Variants in ABCA6 observed in about 807,000 individuals in gnomAD.
The protein encoded by ABCA6 is ATP-binding cassette sub-family A member 6.
ABCA6 carries 164 observed loss-of-function variants against 191.2 expected under a neutral mutation model. That is an observed-to-expected ratio of 0.86 (90% CI 0.76 to 0.98). The LOEUF is 0.98. Ranked by LOEUF, ABCA6 falls within the 50% of genes least tolerant of loss-of-function variation. The pLI, the probability that ABCA6 is intolerant of heterozygous loss-of-function variation, is 0.00. For missense variants in ABCA6, 1,958 were observed against 1,894.1 expected (o/e 1.03, Z -0.63); for synonymous variants, 636 against 647.7 (o/e 0.98, Z 0.27).
In ABCA6 at chr17:69,081,062, T is replaced by G; in HGVS notation, c.4696+4A>C. On this transcript the variant is annotated splice_donor_region_variant and intron_variant, in intron 37 of 38. Coordinates refer to ENST00000284425, the MANE Select transcript of ABCA6 (RefSeq NM_080284.3). Reference sequence around the variant, plus strand: ...AAGATTTATTTGAATGTGGTCACTCTTACCTGCTTCTAATTTGTGAAAGGT... The same window carrying G: ...AAGATTTATTTGAATGTGGTCACTCGTACCTGCTTCTAATTTGTGAAAGGT... The G allele has an allele frequency of 6.3e-7, 1 of 1,576,236 alleles. No homozygotes were observed. Among genetic ancestry groups the G allele is most frequent in the Middle Eastern group, 1.7e-4 (1 of 5,978 alleles).
intron 9 of ABCA6, among the ~76,000 whole-genome samples, chr17:69,124,054 T>C (rs2073701790): frequency 6.6e-6 from 1 of 152,024 alleles, no homozygotes; most frequent in Non-Finnish European, 1.5e-5. Context: ...CACAGCAACA[T>C]AATTGAACAT....
chr17:69,086,029 A>T (rs1036026434), intron 30 of ABCA6, among the ~76,000 whole-genome samples: 2 of 152,112 alleles, frequency 1.3e-5, no homozygotes, highest in Non-Finnish European at 2.9e-5. Flanking sequence ...TGTATGAATG[A>T]TTCTCAAACT....
At chr17:69,084,411 A>G (rs1032864392) in intron 33 of ABCA6, 21 bp downstream of exon 33, 21 of 1,614,140 alleles carry the variant, frequency 1.3e-5, no homozygotes, top group South Asian at 9.9e-5. Flanking sequence ...CTCTCCATAG[A>G]GCATCACACA....
At chr17:69,105,698 G>C (rs1216986722) in intron 19 of ABCA6, 70 bp from the exon 20 acceptor site, 1 of 1,189,050 alleles carries the variant, frequency 8.4e-7, no homozygotes, top group Non-Finnish European at 1.2e-6. Flanking sequence ...CATTCCACAA[G>C]TATTTGTTGA....
chr17:69,139,455 T>C (rs1044095975), intron 2 of ABCA6, among the ~76,000 whole-genome samples: 4 of 152,136 alleles, frequency 2.6e-5, no homozygotes, highest in African/African-American at 9.7e-5. Context: ...CAACAGGCGC[T>C]GGAGAGGATG....
Position 69,113,268 on chromosome 17 carries a change from C to G in ABCA6, c.1995G>C (p.Val665=). The G allele has an allele frequency of 6.2e-7, 1 of 1,605,584 alleles. No homozygotes were observed. Among genetic ancestry groups the G allele is most frequent in the Non-Finnish European group, 8.5e-7 (1 of 1,177,444 alleles). Residue 665 remains valine (V), a synonymous_variant, in exon 15 of 39, where the codon GTG becomes GTC. Coordinates refer to ENST00000284425, the MANE Select transcript of ABCA6 (RefSeq NM_080284.3). ...SLLRERRADH[V]ILFSTQSMDE... is the part of the protein sequence containing the mutation. ...CCATGGACTGGGTACTGAAAAGGAT[C>G]ACATGATCTGCTCTACGCTCTCTCA...
chr17:69,097,998 C>T lies in ABCA6; in HGVS notation c.3042G>A (p.Pro1014=), dbSNP rs750465021. The change falls in exon 23 of 39, where the codon CCG becomes CCA. Residue 1014 remains proline (P), a synonymous_variant. Coordinates refer to ENST00000284425, the MANE Select transcript of ABCA6 (RefSeq NM_080284.3). ...LSHIGLWTGL[P]DGSFFLFLVL... ...CCAAAAATAAGAAAAAGGAACCATC[C>T]GGCAACCCAGTCCAGAGTCCTATGT... 1.1e-5 allele frequency: 18 copies of T among 1,611,396 alleles called. No individual in the cohort carries two copies. The highest frequency in any genetic ancestry group is 1.5e-5 in the Non-Finnish European group (18 of 1,179,002).
chr17:69,131,205 A>T (rs1242539932), intron 6 of ABCA6, among the ~76,000 whole-genome samples: 1 of 152,188 alleles, frequency 6.6e-6, no homozygotes, highest in Non-Finnish European at 1.5e-5. Flanking sequence ...CTGACTAATT[A>T]AATGAGAATT....
Position 69,112,252 on chromosome 17 carries a change from T to C in ABCA6, c.2063A>G (p.Asn688Ser), listed in dbSNP as rs112906363. Residue 688 changes from asparagine to serine, a missense_variant, in exon 16 of 39, where the codon AAT (asparagine) becomes AGT (serine). Coordinates refer to ENST00000284425, the MANE Select transcript of ABCA6 (RefSeq NM_080284.3). ...ILADRKVIMS[N>S]GRLKCAGSSM... ...AGAACCTGCACACTTCAGTCTCCCA[T>C]TGGACATGATCACTTTTCTATCTGA... 1.2e-4 allele frequency: 195 copies of C among 1,612,102 alleles called. 1 individual carries two copies. The African/African-American group carries it at 2.0e-3, about 17-fold the overall frequency.
At chr17:69,123,145 C>A in intron 10 of ABCA6, 94 bp downstream of exon 10, 1 of 832,060 alleles carries the variant, frequency 1.2e-6, no homozygotes, top group Non-Finnish European at 1.6e-6. Flanking sequence ...CACATGTACC[C>A]TAAAACTTAA....
Position 69,082,862 on chromosome 17 carries a change from G to A in ABCA6, c.4616+11C>T. 1 of 1,613,904 alleles carries A rather than the reference G, an allele frequency of 6.2e-7. No individual in the cohort carries two copies. The highest frequency in any genetic ancestry group is 1.1e-5 in the South Asian group (1 of 91,012). Reference sequence around the variant, plus strand: ...CCTCCATATTTCTCCATAATCAAAAGCCCGTCTCACCTTTCCTGCCCTGCA... The same window carrying A: ...CCTCCATATTTCTCCATAATCAAAAACCCGTCTCACCTTTCCTGCCCTGCA... On this transcript the variant is annotated intron_variant, in intron 36 of 38. Transcript: ENST00000284425.
In ABCA6 at chr17:69,106,090, G is replaced by A. The variant is rs772411255; in HGVS notation, c.2511C>T (p.Val837=). 4 of 1,613,648 alleles carry A rather than the reference G, an allele frequency of 2.5e-6. No individual in the cohort carries two copies. The highest frequency in any genetic ancestry group is 3.4e-6 in the Non-Finnish European group (4 of 1,179,838). The change falls in exon 19 of 39, where the codon GTC becomes GTT. Residue 837 remains valine (V), a synonymous_variant. Coordinates refer to ENST00000284425, the MANE Select transcript of ABCA6 (RefSeq NM_080284.3). The part of the protein sequence containing the change: ...VSDMGLWRMQ[V]FAMARLRFLK... ...AGAAACGGAGCCGTGCCATGGCAAA[G>A]ACTTGCATTCTCCAGAGGCCCATGT...
chr17:69,108,526 T>C (rs1489299373), intron 17 of ABCA6: 1 of 152,190 alleles, frequency 6.6e-6, no homozygotes, highest in African/African-American at 2.4e-5. Flanking sequence ...TCCATGAGAG[T>C]AGAGACACAT....
chr17:69,099,312 A>T (rs2073123122), intron 22 of ABCA6, among the ~76,000 whole-genome samples: 1 of 152,080 alleles, frequency 6.6e-6, no homozygotes, highest in Admixed American at 6.6e-5. Context: ...TATGTCTATA[A>T]ATTCTGTTTT....
chr17:69,098,269 C>T, intron 22 of ABCA6: 1 of 413,826 alleles, frequency 2.4e-6, no homozygotes, highest in East Asian at 4.0e-5. Context: ...AAAGCAAGCT[C>T]TCGAAGAGAT....
chr17:69,105,832 A>G (rs1380398599), intron 19 of ABCA6, 196 bp downstream of exon 19: 1 of 733,930 alleles, frequency 1.4e-6, no homozygotes, highest in Non-Finnish European at 2.2e-6. Flanking sequence ...AACCATGAAA[A>G]CAAAACACAC....
At chr17:69,079,131 C>T (rs1379473496) in intron 38 of ABCA6, 57 bp from the exon 39 acceptor site, 1 of 1,577,134 alleles carries the variant, frequency 6.3e-7, no homozygotes, top group African/African-American at 1.4e-5. Flanking sequence ...AGTTGTTGGT[C>T]TTCCAAATGA....
chr17:69,121,684 C>T (rs2073648319), intron 10 of ABCA6, among the ~76,000 whole-genome samples: 1 of 151,880 alleles, frequency 6.6e-6, no homozygotes, highest in Admixed American at 6.6e-5. Flanking sequence ...AGTAGAAGAA[C>T]AAAGAAAATT....
rs145148806 is a variant in ABCA6 at position 69,129,695 on chromosome 17, G to A, written c.848C>T (p.Thr283Ile). 6.6e-5 allele frequency: 106 copies of A among 1,604,630 alleles called. 2 individuals carry two copies. In the South Asian group the frequency reaches 1.1e-3, roughly 17 times the overall value. The change falls in exon 7 of 39, where the codon ACA becomes ATA. Residue 283 changes from threonine to isoleucine, a missense_variant. Thr to Ile is a moderately conservative substitution (Grantham distance 89, BLOSUM62 -1). Transcript: ENST00000284425. ...AATTTGGGTGAATGTTATGATAATT[G>A]TAACGAATATGGAAATAATAAAGAT... ...GFIFIISIFVTIIITFTQIIV... is the reference protein window; with the variant it reads ...GFIFIISIFVIIIITFTQIIV...
Sources: allele counts gnomAD v4.1 joint callset (sites outside exome capture counted in the v4.1 genomes callset), GRCh38; gene constraint gnomAD v4.1.1; transcripts MANE v1.5; gene names NCBI Gene and HGNC (gene_info 2026-07-23, HGNC 2026-07-21).